Variants in ITGBL1 observed in about 807,000 individuals in gnomAD.
The protein encoded by ITGBL1 is integrin beta-like protein 1.
In ITGBL1, 51 loss-of-function variants were observed where a neutral mutation model predicts 68.5. The observed-to-expected ratio is 0.74, with a 90% CI of 0.59 to 0.94. The LOEUF (loss-of-function observed/expected upper bound fraction) is 0.94, where lower values mean the gene tolerates loss of function less well. ITGBL1 is among the 40% of genes least tolerant of loss of function. The pLI, the probability that ITGBL1 is intolerant of heterozygous loss-of-function variation, is 0.00. For synonymous variants in ITGBL1, 209 were observed against 227.3 expected (o/e 0.92, Z 0.72); for missense variants, 649 against 647.4 (o/e 1.00, Z -0.03).
intron 6 of ITGBL1, among the ~76,000 whole-genome samples, chr13:101,591,721 G>A (rs1290525510): frequency 2.0e-5 from 3 of 152,182 alleles, no homozygotes; most frequent in Admixed American, 2.0e-4. Context: ...AGATGCTAAA[G>A]ACAGCATGCA....
chr13:101,676,217 G>T (rs1036969171), intron 7 of ITGBL1, among the ~76,000 whole-genome samples: 1 of 151,418 alleles, frequency 6.6e-6, no homozygotes, highest in African/African-American at 2.4e-5. Flanking sequence ...TTGCATTTTT[G>T]TTGTTGTTGT....
At chr13:101,467,155 C>A (rs2048392965) in intron 2 of ITGBL1, among the ~76,000 whole-genome samples, 1 of 152,130 alleles carries the variant, frequency 6.6e-6, no homozygotes, top group Non-Finnish European at 1.5e-5. Flanking sequence ...GCAGGCCCAC[C>A]CACCTTCTTA....
In ITGBL1 at chr13:101,587,740, GT is replaced by G. The variant is rs1472067633; in HGVS notation, c.868+4385del. On this transcript the variant is annotated intron_variant, in intron 6 of 10. Transcript: ENST00000376180. ...AGAACCATATTATGTGGTGAAATTT[GT>G]CCCTGTGGATTGTCAAAGCATTAAG... 1.5e-4 allele frequency among the ~76,000 whole-genome samples: 23 copies of G among 152,216 alleles called. No homozygotes were observed. The East Asian group carries it at 4.1e-3, about 27-fold the overall frequency.
At chr13:101,528,180 AT>A (rs1228137833) in intron 2 of ITGBL1, among the ~76,000 whole-genome samples, 1 of 151,254 alleles carries the variant, frequency 6.6e-6, no homozygotes, top group Non-Finnish European at 1.5e-5. Flanking sequence ...GTTTATTAAT[AT>A]TTTTCTTTTT....
intron 2 of ITGBL1, among the ~76,000 whole-genome samples, chr13:101,495,085 A>G (rs1380829683): frequency 6.6e-6 from 1 of 152,210 alleles, no homozygotes; most frequent in Non-Finnish European, 1.5e-5. Context: ...TTAGTTCTTC[A>G]GGTTCATGAA....
intron 2 of ITGBL1, among the ~76,000 whole-genome samples, chr13:101,500,826 T>A (rs1301172593): frequency 1.3e-5 from 2 of 152,174 alleles, no homozygotes; most frequent in Non-Finnish European, 2.9e-5. Flanking sequence ...TGAGTCTAGA[T>A]GAAATATCAG....
chr13:101,620,564 A>G (rs1159953831), intron 7 of ITGBL1, among the ~76,000 whole-genome samples: 4 of 152,114 alleles, frequency 2.6e-5, no homozygotes. Flanking sequence ...AGGCATTTCT[A>G]TACCCTGAAA....
intron 7 of ITGBL1, among the ~76,000 whole-genome samples, chr13:101,677,423 T>C (rs1237493305): frequency 2.0e-5 from 3 of 152,172 alleles, no homozygotes; most frequent in Non-Finnish European, 4.4e-5. Flanking sequence ...ATAGTAGTAC[T>C]TGTGTAAATA....
chr13:101,535,727 T>A (rs958265036), intron 2 of ITGBL1, among the ~76,000 whole-genome samples: 6 of 152,232 alleles, frequency 3.9e-5, no homozygotes, highest in Admixed American at 3.3e-4. Context: ...TTCGGAGATG[T>A]TCTTAAGCTC....
chr13:101,515,618 G>T (rs922662866), intron 2 of ITGBL1, among the ~76,000 whole-genome samples: 2 of 151,776 alleles, frequency 1.3e-5, no homozygotes, highest in Non-Finnish European at 2.9e-5. Flanking sequence ...GTTTGGTTTT[G>T]TACTGACCAG....
chr13:101,475,655 A>G (rs2048526177), intron 2 of ITGBL1, among the ~76,000 whole-genome samples: 1 of 152,176 alleles, frequency 6.6e-6, no homozygotes, highest in African/African-American at 2.4e-5. Context: ...GGTCCAGGAT[A>G]AAGAAAAGAT....
chr13:101,568,264 A>G (rs1454129296), intron 3 of ITGBL1, among the ~76,000 whole-genome samples: 1 of 152,180 alleles, frequency 6.6e-6, no homozygotes, highest in Non-Finnish European at 1.5e-5. Flanking sequence ...TTTCAGATAT[A>G]CTGGTTATAA....
intron 7 of ITGBL1, among the ~76,000 whole-genome samples, chr13:101,603,067 T>C (rs575532899): frequency 1.3e-5 from 2 of 152,114 alleles, no homozygotes; most frequent in Non-Finnish European, 2.9e-5. Context: ...GGTGGACATG[T>C]CTTTTAATTT....
intron 7 of ITGBL1, among the ~76,000 whole-genome samples, chr13:101,606,057 G>GTA (rs541963529): frequency 1.5e-5 from 2 of 137,764 alleles, no homozygotes; most frequent in Non-Finnish European, 1.6e-5. Flanking sequence ...GGCTATCCTT[G>GTA]TATATATATG....
chr13:101,571,926 A>C (rs1388182961), intron 3 of ITGBL1, among the ~76,000 whole-genome samples: 1 of 147,994 alleles, frequency 6.8e-6, no homozygotes, highest in Non-Finnish European at 1.5e-5. Context: ...TTTAGACAGT[A>C]GTCAGTATTT....
intron 7 of ITGBL1, among the ~76,000 whole-genome samples, chr13:101,604,887 T>TATATATATATATATACAC: frequency 4.5e-5 from 1 of 22,162 alleles, no homozygotes; most frequent in Non-Finnish European, 8.2e-5. Context: ...TATATATATA[T>TATATATATATATATACAC]ACACACACAC....
chr13:101,523,667 A>G (rs1231972352), intron 2 of ITGBL1, among the ~76,000 whole-genome samples: 1 of 152,132 alleles, frequency 6.6e-6, no homozygotes, highest in Non-Finnish European at 1.5e-5. Flanking sequence ...CACATTTAAG[A>G]TGATTTATTT....
At chr13:101,530,780 C>T (rs2049460088) in intron 2 of ITGBL1, among the ~76,000 whole-genome samples, 2 of 152,106 alleles carry the variant, frequency 1.3e-5, no homozygotes, top group African/African-American at 2.4e-5. Flanking sequence ...GATTTTGATT[C>T]TTTAGGTTGG....
chr13:101,656,515 G>A (rs1056015315), intron 7 of ITGBL1, among the ~76,000 whole-genome samples: 1 of 152,134 alleles, frequency 6.6e-6, no homozygotes, highest in African/African-American at 2.4e-5. Flanking sequence ...TCCATCTGAT[G>A]AGAATTTATG....
Sources: gnomAD v4.1 joint callset for allele counts (sites outside exome capture counted in the v4.1 genomes callset) on GRCh38, gnomAD v4.1.1 for gene constraint, MANE v1.5 for transcripts, NCBI Gene and HGNC (gene_info 2026-07-23, HGNC 2026-07-21) for gene names.